Variants in TNC observed in about 807,000 individuals in gnomAD.
The protein encoded by TNC is tenascin.
In TNC, 109 loss-of-function variants were observed where a neutral mutation model predicts 202.4. That is an observed-to-expected ratio of 0.54 (90% CI 0.46 to 0.63). The LOEUF is 0.63. TNC is among the 30% of genes least tolerant of loss of function. The pLI is 0.00. For synonymous variants in TNC, 1,007 were observed against 1,089.7 expected (o/e 0.92, Z 1.50); for missense variants, 2,756 against 2,833.3 (o/e 0.97, Z 0.62).
chr9:115,065,901 C>CAAAAAAAAAAAAAAAAAAAAAAAAAAA (rs35177151), intron 10 of TNC, among the ~76,000 whole-genome samples: 1 of 46,676 alleles, frequency 2.1e-5, no homozygotes, highest in Non-Finnish European at 3.9e-5. Context: ...GACTCCATCT[C>CAAAAAAAAAAAAAAAAAAAAAAAAAAA]AAAAAAAAAA....
chr9:115,056,364 G>T (rs910161668), intron 15 of TNC, among the ~76,000 whole-genome samples: 1 of 152,006 alleles, frequency 6.6e-6, no homozygotes, highest in Non-Finnish European at 1.5e-5. Context: ...AGAAAGGGGG[G>T]CTCCCCTTTC....
rs548666803 is a variant in TNC, at chr9:115,106,638, A to T, written c.-137+11344T>A. 2.2e-4 allele frequency among the ~76,000 whole-genome samples: 33 copies of T among 152,286 alleles called. No individual in the cohort carries two copies. The South Asian group carries it at 3.1e-3, about 14-fold the overall frequency. On this transcript the variant is annotated intron_variant, in intron 1 of 27. Transcript: ENST00000350763. ...GCCTGCTCTCCTTGAGTCTGACCTG[A>T]AGAGAAGGTTAATAAGTGAGAGGAA...
At position 115,086,667 on chromosome 9, in the gene TNC, C is replaced by T. The variant is rs199803927; in HGVS notation, c.1064G>A (p.Arg355Gln). Reference sequence around the variant, plus strand: ...ACATACACACTGCCCCTCCTCACACCGGCCCTGGGTGTGGCAGGCATGTGG... The same window carrying T: ...ACATACACACTGCCCCTCCTCACACTGGCCCTGGGTGTGGCAGGCATGTGG... ...TCPHACHTQG[R>Q]CEEGQCVCDE... Residue 355 changes from arginine (R) to glutamine (Q), a missense_variant, in exon 3 of 28, where the codon CGG becomes CAG. Arg to Gln is a conservative substitution (Grantham distance 43). Around this residue, in one of 2 missense-constraint regions of TNC, gnomAD observed 2,559 missense variants for 2,546.0 expected, o/e 1.01. Transcript: ENST00000350763. The T allele has an allele frequency of 7.4e-6, 12 of 1,614,072 alleles. No individual in the cohort carries two copies. Among genetic ancestry groups the T allele is most frequent in the African/African-American group, 1.3e-5 (1 of 74,946 alleles).
At chr9:115,069,391 CAGAGAGAAAAGGGAGAGAGAGGAGAGG>C (rs1187147682) in intron 10 of TNC, among the ~76,000 whole-genome samples, 9 of 146,938 alleles carry the variant, frequency 6.1e-5, no homozygotes, top group African/African-American at 2.3e-4. Context: ...AGTACAAAAG[CAGAGAGAAAAGGGAGAGAGAGGAGAGG>C]AGAGAGAAGA....
At chr9:115,040,393 C>T (rs1478436661) in intron 19 of TNC, among the ~76,000 whole-genome samples, 1 of 152,158 alleles carries the variant, frequency 6.6e-6, no homozygotes, top group Non-Finnish European at 1.5e-5. Flanking sequence ...GTAGCTGTCA[C>T]CATCACATGC....
At chr9:115,078,310 ATACTT>A in intron 6 of TNC, 98 bp from the exon 7 acceptor site, 1 of 1,346,926 alleles carries the variant, frequency 7.4e-7, no homozygotes, top group Non-Finnish European at 1.0e-6. Context: ...CTGTGGGTGA[ATACTT>A]ATACTAACTG....
chr9:115,035,187 T>C lies in TNC; in HGVS notation c.5787+17A>G. On this transcript the variant is annotated intron_variant, in intron 22 of 27. Coordinates refer to ENST00000350763, the MANE Select transcript of TNC (RefSeq NM_002160.4). ...TGCTTCAACTAGCATTGAGGAGTTGTTATATACTTAAAATACCTTGACTGT... is the reference window on the plus strand; with the variant it reads ...TGCTTCAACTAGCATTGAGGAGTTGCTATATACTTAAAATACCTTGACTGT... The C allele has an allele frequency of 1.3e-6, 2 of 1,598,896 alleles. No homozygotes were observed. The highest frequency in any genetic ancestry group is 1.7e-6 in the Non-Finnish European group (2 of 1,173,482).
At chr9:115,035,801 G>A (rs760258714) in intron 21 of TNC, 6 of 338,074 alleles carry the variant, frequency 1.8e-5, no homozygotes, top group Non-Finnish European at 3.2e-5. Flanking sequence ...CTGGAACGTG[G>A]ATCATTAAAT....
intron 17 of TNC, among the ~76,000 whole-genome samples, chr9:115,044,160 G>A (rs1830990035): frequency 6.6e-6 from 1 of 151,882 alleles, no homozygotes; most frequent in African/African-American, 2.4e-5. Context: ...GTGAGTGAGA[G>A]GAGGAGCTAC....
rs2133321515 is a variant in TNC at position 115,081,931 on chromosome 9, G to A, written c.2248-3C>T. 6.3e-7 allele frequency: 1 copy of A among 1,581,972 alleles called. No homozygotes were observed. The highest frequency in any genetic ancestry group is 8.5e-7 in the Non-Finnish European group (1 of 1,172,110). Reference sequence around the variant, plus strand: ...ATCTCTCCCTCATCTTCTTTATTCTGAGAGATAGAGGCAGCTTGGTAAGAG... The same window carrying A: ...ATCTCTCCCTCATCTTCTTTATTCTAAGAGATAGAGGCAGCTTGGTAAGAG... On this transcript the variant is annotated splice_region_variant and splice_polypyrimidine_tract_variant and intron_variant, in intron 5 of 27. Coordinates refer to ENST00000350763, the MANE Select transcript of TNC (RefSeq NM_002160.4).
chr9:115,067,732 G>A (rs1053121605), intron 10 of TNC, among the ~76,000 whole-genome samples: 1 of 151,908 alleles, frequency 6.6e-6, no homozygotes, highest in African/African-American at 2.4e-5. Flanking sequence ...TGTTCATATA[G>A]TTGATAGAGT....
At chr9:115,059,336 CA>C (rs774620833) in intron 14 of TNC, among the ~76,000 whole-genome samples, 231 of 152,264 alleles carry the variant, frequency 1.5e-3, no homozygotes, top group Non-Finnish European at 2.0e-3. Flanking sequence ...AAAAGACTCT[CA>C]GAAGTAAATA....
At chr9:115,082,839 A>C (rs762823629) in intron 4 of TNC, 32 bp from the exon 5 acceptor site, 1 of 1,511,734 alleles carries the variant, frequency 6.6e-7, no homozygotes, top group Admixed American at 1.7e-5. Context: ...GAACGTAAGG[A>C]TAGGGCAGGT....
chr9:115,115,511 C>T (rs1285390600), intron 1 of TNC, among the ~76,000 whole-genome samples: 4 of 152,180 alleles, frequency 2.6e-5, no homozygotes, highest in African/African-American at 4.8e-5. Flanking sequence ...CAGAGACATG[C>T]TGTGGATGAT....
At chr9:115,085,448 T>A (rs1411542877) in intron 3 of TNC, among the ~76,000 whole-genome samples, 1 of 152,212 alleles carries the variant, frequency 6.6e-6, no homozygotes, top group Admixed American at 6.5e-5. Flanking sequence ...TACTGTTGGT[T>A]TGATGTCAGT....
At chr9:115,098,291 C>T (rs1163412355) in intron 1 of TNC, among the ~76,000 whole-genome samples, 2 of 152,204 alleles carry the variant, frequency 1.3e-5, no homozygotes, top group African/African-American at 2.4e-5. Context: ...TCATGCCAGT[C>T]GTAATGGCTT....
At chr9:115,105,634 G>A (rs1280645175) in intron 1 of TNC, among the ~76,000 whole-genome samples, 1 of 152,150 alleles carries the variant, frequency 6.6e-6, no homozygotes, top group Non-Finnish European at 1.5e-5. Flanking sequence ...AGGAAAAACT[G>A]CAGAAAAATC....
In TNC at chr9:115,046,673, G is replaced by T. The variant is rs543240444; in HGVS notation, c.4862C>A (p.Pro1621Gln). The T allele has an allele frequency of 1.4e-5, 23 of 1,612,684 alleles. No homozygotes were observed. The highest frequency in any genetic ancestry group is 1.9e-5 in the Non-Finnish European group (22 of 1,179,656). Residue 1621 changes from proline (P) to glutamine (Q), a missense_variant, in exon 17 of 28, where the codon CCG (proline) becomes CAG (glutamine). Coordinates refer to ENST00000350763, the MANE Select transcript of TNC (RefSeq NM_002160.4). Reference sequence around the variant, plus strand: ...TGAAACCAGAAGGTTGTCAACTTCCGGTTCGGCTTCTAGAGGGAGAGAAAA... The same window carrying T: ...TGAAACCAGAAGGTTGTCAACTTCCTGTTCGGCTTCTAGAGGGAGAGAAAA... The part of the protein sequence containing the change: ...LRAEIVTEAE[P>Q]EVDNLLVSDA...
At chr9:115,040,905 T>TAA in intron 19 of TNC, 36 bp downstream of exon 19, 1 of 901,708 alleles carries the variant, frequency 1.1e-6, no homozygotes, top group Non-Finnish European at 1.5e-6. Flanking sequence ...TGAAAAATAG[T>TAA]AACACACACA....
Sources: allele counts gnomAD v4.1 joint callset (sites outside exome capture counted in the v4.1 genomes callset), GRCh38; gene constraint gnomAD v4.1.1; regional missense constraint gnomAD v4.1.1; transcripts MANE v1.5; gene names NCBI Gene and HGNC (gene_info 2026-07-23, HGNC 2026-07-21).